The following CDH4 variants were observed in gnomAD, a reference collection of about 807,000 sequenced individuals.
CDH4 encodes cadherin-4.
A neutral mutation model predicts 86.0 loss-of-function variants in CDH4; 33 were observed. The ratio of observed to expected loss-of-function variants is 0.38; its 90% CI spans 0.29 to 0.51. CDH4 has a LOEUF of 0.51. CDH4 is among the 20% of genes least tolerant of loss of function. The probability of loss-of-function intolerance (pLI) is 0.86; values close to 1 mark genes in which losing one functional copy is unlikely to be tolerated. For missense variants in CDH4, 1,114 were observed against 1,307.4 expected (o/e 0.85, Z 2.28); for synonymous variants, 555 against 549.4 (o/e 1.01, Z -0.14).
intron 2 of CDH4, among the ~76,000 whole-genome samples, chr20:61,494,616 A>G (rs2085646986): frequency 6.6e-6 from 1 of 152,264 alleles, no homozygotes; most frequent in Non-Finnish European, 1.5e-5. Context: ...TTCTGTATCT[A>G]CAAAAATCTA....
intron 4 of CDH4, among the ~76,000 whole-genome samples, chr20:61,834,426 G>A (rs1280972405): frequency 1.3e-5 from 2 of 152,172 alleles, no homozygotes; most frequent in African/African-American, 4.8e-5. Context: ...TAAGCTCCCT[G>A]CATCTTCCAG....
intron 8 of CDH4, among the ~76,000 whole-genome samples, chr20:61,900,110 C>CGG (rs150038969): frequency 0.021 from 3,140 of 152,160 alleles, 105 homozygotes; most frequent in African/African-American, 0.072. Flanking sequence ...CCAGCCTCAG[C>CGG]GGGGGGGACT....
intron 2 of CDH4, among the ~76,000 whole-genome samples, chr20:61,355,915 A>G (rs2084747219): frequency 6.6e-6 from 1 of 152,222 alleles, no homozygotes; most frequent in Non-Finnish European, 1.5e-5. Context: ...TGTTTATGGA[A>G]TAGGAAGGTG....
intron 3 of CDH4, among the ~76,000 whole-genome samples, chr20:61,771,010 CT>C (rs756131628): frequency 0.13 from 16,722 of 130,000 alleles, 696 homozygotes; most frequent in Non-Finnish European, 0.16. Flanking sequence ...TTCTTTTTTT[CT>C]TTTTTTTTTT....
At chr20:61,349,928 T>G (rs950690135) in intron 2 of CDH4, among the ~76,000 whole-genome samples, 1 of 152,140 alleles carries the variant, frequency 6.6e-6, no homozygotes. Context: ...GTGGCCTCAG[T>G]GCCAGACTCA....
intron 2 of CDH4, among the ~76,000 whole-genome samples, chr20:61,275,989 C>A (rs2084229448): frequency 6.6e-6 from 1 of 152,188 alleles, no homozygotes; most frequent in Non-Finnish European, 1.5e-5. Context: ...CCTGGCACAT[C>A]AGCGACACTC....
At chr20:61,718,938 G>C (rs1330801110) in intron 2 of CDH4, 1 of 471,060 alleles carries the variant, frequency 2.1e-6, no homozygotes, top group Non-Finnish European at 4.4e-6. Flanking sequence ...TTGGTTAGTG[G>C]GTGAAGCAGG....
intron 2 of CDH4, among the ~76,000 whole-genome samples, chr20:61,634,749 C>T (rs1038654716): frequency 6.6e-6 from 1 of 152,248 alleles, no homozygotes; most frequent in African/African-American, 2.4e-5. Flanking sequence ...GTGCGGACAT[C>T]ACCTCCTCCA....
intron 4 of CDH4, among the ~76,000 whole-genome samples, chr20:61,840,208 G>C (rs1291595570): frequency 6.6e-6 from 1 of 152,214 alleles, no homozygotes; most frequent in Non-Finnish European, 1.5e-5. Context: ...CCGTGCACGT[G>C]CACTGGGACA....
chr20:61,550,884 C>T (rs1286441706), intron 2 of CDH4, among the ~76,000 whole-genome samples: 1 of 152,204 alleles, frequency 6.6e-6, no homozygotes, highest in Admixed American at 6.5e-5. Flanking sequence ...GAGGCAGACA[C>T]TTGGCCAGAT....
chr20:61,755,872 T>C (rs1382591581), intron 3 of CDH4, among the ~76,000 whole-genome samples: 1 of 152,112 alleles, frequency 6.6e-6, no homozygotes, highest in African/African-American at 2.4e-5. Flanking sequence ...TGTTGCACAC[T>C]CACACTGATA....
chr20:61,322,243 C>A (rs562785281), intron 2 of CDH4, among the ~76,000 whole-genome samples: 1 of 152,210 alleles, frequency 6.6e-6, no homozygotes, highest in Non-Finnish European at 1.5e-5. Flanking sequence ...AACTACCCCC[C>A]ATCCCCTCCA....
intron 2 of CDH4, among the ~76,000 whole-genome samples, chr20:61,293,324 G>A (rs1055548614): frequency 9.2e-5 from 14 of 152,140 alleles, no homozygotes; most frequent in African/African-American, 2.4e-4. Flanking sequence ...AGGAGGACCC[G>A]TAGGACAGGG....
chr20:61,338,421 G>A (rs937110970), intron 2 of CDH4, among the ~76,000 whole-genome samples: 1 of 152,196 alleles, frequency 6.6e-6, no homozygotes, highest in Non-Finnish European at 1.5e-5. Flanking sequence ...AGGAATGGAA[G>A]TGGAAGAGCC....
At chr20:61,893,970 G>T (rs902465741) in intron 7 of CDH4, among the ~76,000 whole-genome samples, 2 of 152,134 alleles carry the variant, frequency 1.3e-5, no homozygotes, top group African/African-American at 4.8e-5. Flanking sequence ...GAATCACACC[G>T]CTAGGAGCTG....
intron 2 of CDH4, among the ~76,000 whole-genome samples, chr20:61,351,405 G>T (rs1359775653): frequency 6.6e-6 from 1 of 152,206 alleles, no homozygotes; most frequent in Admixed American, 6.5e-5. Context: ...AGGGACTTGG[G>T]CGTCTACAGA....
chr20:61,706,781 C>A (rs868065139), intron 2 of CDH4, among the ~76,000 whole-genome samples: 8 of 152,214 alleles, frequency 5.3e-5, no homozygotes, highest in South Asian at 2.1e-4. Context: ...CTGGCTCGGG[C>A]AGGACGTTCA....
intron 2 of CDH4, among the ~76,000 whole-genome samples, chr20:61,563,288 C>G (rs1215383252): frequency 6.6e-6 from 1 of 152,248 alleles, no homozygotes; most frequent in Non-Finnish European, 1.5e-5. Flanking sequence ...CAGGCACTCA[C>G]CATGTTAGCA....
intron 2 of CDH4, among the ~76,000 whole-genome samples, chr20:61,325,111 A>G (rs2084529791): frequency 6.6e-6 from 1 of 152,106 alleles, no homozygotes; most frequent in South Asian, 2.1e-4. Flanking sequence ...GTGAGACAAG[A>G]TGGAACACAT....
Sources: gnomAD v4.1 joint callset for allele counts (sites outside exome capture counted in the v4.1 genomes callset) on GRCh38, gnomAD v4.1.1 for gene constraint, MANE v1.5 for transcripts, NCBI Gene and HGNC (gene_info 2026-07-23, HGNC 2026-07-21) for gene names.